The following ADK variants were observed in gnomAD, a reference collection of about 807,000 sequenced individuals.
ADK encodes the protein N6,N6-dimethyladenosine kinase.
A neutral mutation model predicts 44.7 loss-of-function variants in ADK; 24 were observed. That is an observed-to-expected ratio of 0.54 (90% CI 0.39 to 0.76). The LOEUF (loss-of-function observed/expected upper bound fraction) is 0.76, where lower values mean the gene tolerates loss of function less well. ADK is among the 30% of genes least tolerant of loss of function. ADK has a pLI of 0.00. For synonymous variants in ADK, 128 were observed against 142.6 expected, an observed-to-expected ratio of 0.90 and a Z score of 0.73; for missense variants, 321 against 425.1, an observed-to-expected ratio of 0.76 and a Z score of 2.15.
intron 6 of ADK, among the ~76,000 whole-genome samples, chr10:74,407,023 C>T (rs1360796446): frequency 2.0e-5 from 3 of 150,814 alleles, no homozygotes; most frequent in Non-Finnish European, 4.4e-5. Flanking sequence ...CGTTCCGTCG[C>T]CCAAGCTGGA....
At chr10:74,332,998 A>G (rs908932684) in intron 4 of ADK, among the ~76,000 whole-genome samples, 3 of 152,178 alleles carry the variant, frequency 2.0e-5, no homozygotes, top group African/African-American at 4.8e-5. Flanking sequence ...CTTAAGAAGC[A>G]GAAATATTTT....
chr10:74,625,661 T>C (rs755284637), intron 9 of ADK, among the ~76,000 whole-genome samples: 6 of 152,126 alleles, frequency 3.9e-5, no homozygotes, highest in Non-Finnish European at 8.8e-5. Flanking sequence ...GTATTAGTGA[T>C]GAACAATCCC....
At chr10:74,234,038 C>T (rs1470995371) in intron 3 of ADK, among the ~76,000 whole-genome samples, 1 of 152,136 alleles carries the variant, frequency 6.6e-6, no homozygotes, top group Non-Finnish European at 1.5e-5. Context: ...TCTTCTTGGT[C>T]TACAACAAAC....
intron 9 of ADK, among the ~76,000 whole-genome samples, chr10:74,619,308 A>G (rs1852892640): frequency 6.6e-6 from 1 of 152,038 alleles, no homozygotes; most frequent in Non-Finnish European, 1.5e-5. Flanking sequence ...TAGAAAAATT[A>G]CCTGGGCATG....
At chr10:74,360,542 C>T (rs1174480258) in intron 4 of ADK, among the ~76,000 whole-genome samples, 2 of 152,130 alleles carry the variant, frequency 1.3e-5, no homozygotes, top group Non-Finnish European at 1.5e-5. Context: ...TGTATTCACA[C>T]TTGCTCTCTC....
chr10:74,622,999 C>T (rs1358636727), intron 9 of ADK, among the ~76,000 whole-genome samples: 2 of 152,124 alleles, frequency 1.3e-5, no homozygotes, highest in African/African-American at 4.8e-5. Flanking sequence ...AAGAGTGAAA[C>T]TCCGTCTCAA....
intron 3 of ADK, among the ~76,000 whole-genome samples, chr10:74,272,467 G>T (rs1446506639): frequency 6.6e-6 from 1 of 151,964 alleles, no homozygotes; most frequent in African/African-American, 2.4e-5. Flanking sequence ...TAGAGATGGG[G>T]TCTCACTATG....
intron 10 of ADK, among the ~76,000 whole-genome samples, chr10:74,700,211 A>T (rs1374302285): frequency 1.3e-5 from 2 of 152,170 alleles, no homozygotes; most frequent in African/African-American, 4.8e-5. Flanking sequence ...GAATGAAGAA[A>T]ATCTCTACCA....
intron 6 of ADK, among the ~76,000 whole-genome samples, chr10:74,448,661 A>G (rs1392702037): frequency 2.0e-5 from 3 of 152,166 alleles, no homozygotes; most frequent in Admixed American, 6.5e-5. Context: ...AAACTAAAGT[A>G]AAATGTTGAC....
intron 7 of ADK, among the ~76,000 whole-genome samples, chr10:74,589,067 A>G (rs1206450173): frequency 6.6e-6 from 1 of 151,998 alleles, no homozygotes; most frequent in Non-Finnish European, 1.5e-5. Context: ...CTTTATTCCA[A>G]CTTGTGAAGT....
At chr10:74,526,231 G>A (rs1849035912) in intron 7 of ADK, among the ~76,000 whole-genome samples, 1 of 151,992 alleles carries the variant, frequency 6.6e-6, no homozygotes. Flanking sequence ...AGTTGAAGGT[G>A]ATAAAATGGA....
intron 3 of ADK, among the ~76,000 whole-genome samples, chr10:74,274,740 A>ATATATATATATATATATG (rs1591969638): frequency 7.9e-6 from 1 of 126,852 alleles, no homozygotes; most frequent in African/African-American, 2.9e-5. Flanking sequence ...GTGTATATAT[A>ATATATATATATATATATG]TATATATACA....
intron 3 of ADK, among the ~76,000 whole-genome samples, chr10:74,300,311 T>A (rs9731072): frequency 1.5e-5 from 1 of 67,116 alleles, no homozygotes; most frequent in Non-Finnish European, 2.7e-5. Context: ...TCCTTCCTTC[T>A]TTCCTTCCTT....
chr10:74,576,220 G>T (rs1851179189), intron 7 of ADK, among the ~76,000 whole-genome samples: 1 of 152,120 alleles, frequency 6.6e-6, no homozygotes, highest in Non-Finnish European at 1.5e-5. Context: ...GAAAAGAAGG[G>T]AAGAGAGTTC....
At chr10:74,579,554 C>T (rs1851308422) in intron 7 of ADK, among the ~76,000 whole-genome samples, 1 of 152,160 alleles carries the variant, frequency 6.6e-6, no homozygotes, top group Non-Finnish European at 1.5e-5. Flanking sequence ...ATGAATGAGG[C>T]ATCCCTACAA....
chr10:74,336,937 AT>A (rs1335527200), intron 4 of ADK, among the ~76,000 whole-genome samples: 2 of 152,152 alleles, frequency 1.3e-5, no homozygotes, highest in Admixed American at 1.3e-4. Context: ...ACTTCCAAGT[AT>A]TTTTGATCTG....
At chr10:74,605,842 A>G (rs1339547550) in intron 9 of ADK, among the ~76,000 whole-genome samples, 1 of 152,124 alleles carries the variant, frequency 6.6e-6, no homozygotes, top group Non-Finnish European at 1.5e-5. Flanking sequence ...TGTACCTCTG[A>G]TAGAATTCAG....
chr10:74,677,440 CCAAA>C (rs781497630), intron 10 of ADK, among the ~76,000 whole-genome samples: 2 of 152,074 alleles, frequency 1.3e-5, no homozygotes, highest in Non-Finnish European at 2.9e-5. Flanking sequence ...TTCTTTGGTC[CCAAA>C]CATTTATAGC....
chr10:74,512,471 C>T (rs1179581901), intron 6 of ADK, among the ~76,000 whole-genome samples: 1 of 134,688 alleles, frequency 7.4e-6, no homozygotes, highest in Non-Finnish European at 1.6e-5. Context: ...TGTCATTGGT[C>T]TGTTTAGGCT....
Sources: allele counts gnomAD v4.1 joint callset (sites outside exome capture counted in the v4.1 genomes callset), GRCh38; gene constraint gnomAD v4.1.1; transcripts MANE v1.5; gene names NCBI Gene and HGNC (gene_info 2026-07-23, HGNC 2026-07-21).